TRPM3: variants seen among roughly 807,000 people sequenced by gnomAD.
The protein encoded by TRPM3 is long transient receptor potential channel 3.
In TRPM3, 77 loss-of-function variants were observed where a neutral mutation model predicts 181.2. The observed-to-expected ratio is 0.42, with a 90% CI of 0.35 to 0.51. The LOEUF is 0.51. Ranked by LOEUF, TRPM3 falls within the 20% of genes least tolerant of loss-of-function variation. TRPM3 has a pLI of 0.01. For missense variants in TRPM3, 1,759 were observed against 2,196.7 expected, an observed-to-expected ratio of 0.80 and a Z score of 3.98; for synonymous variants, 745 against 796.4, an observed-to-expected ratio of 0.94 and a Z score of 1.09.
intron 1 of TRPM3, among the ~76,000 whole-genome samples, chr9:71,092,096 T>A (rs944441948): frequency 6.6e-6 from 1 of 152,192 alleles, no homozygotes; most frequent in Non-Finnish European, 1.5e-5. Flanking sequence ...TCTTATTCAT[T>A]TGCAAGCTTC....
chr9:71,355,867 T>C (rs2091876688), intron 1 of TRPM3, among the ~76,000 whole-genome samples: 1 of 151,924 alleles, frequency 6.6e-6, no homozygotes, highest in African/African-American at 2.4e-5. Context: ...TTAAATTATA[T>C]CCCTTAAAAG....
At chr9:70,901,964 A>T (rs568151277) in intron 1 of TRPM3, among the ~76,000 whole-genome samples, 2 of 152,282 alleles carry the variant, frequency 1.3e-5, no homozygotes, top group African/African-American at 4.8e-5. Context: ...TGTTGCCGCA[A>T]TTAGGATAAG....
chr9:70,766,901 T>C (rs1473074996), intron 7 of TRPM3, among the ~76,000 whole-genome samples: 1 of 152,240 alleles, frequency 6.6e-6, no homozygotes, highest in Non-Finnish European at 1.5e-5. Context: ...ATTTTTCATA[T>C]ATGTAAAATG....
In TRPM3 at chr9:70,756,162, CA is replaced by C. The variant is rs537040248; in HGVS notation, c.1272+5438del. Among the ~76,000 whole-genome samples the C allele has an allele frequency of 2.3e-3, 350 of 150,288 alleles. 1 individual carries two copies. The highest frequency in any genetic ancestry group is 6.8e-3 in the Middle Eastern group (2 of 292). On this transcript the variant is annotated intron_variant, in intron 8 of 25. Coordinates refer to ENST00000677713, the MANE Select transcript of TRPM3 (RefSeq NM_001366145.2). ...CAAAACAAAACAAAACAAAAACAAACAAAAAAAACAAAAAAGCAGGGTTTAT... is the reference window on the plus strand; with the variant it reads ...CAAAACAAAACAAAACAAAAACAAACAAAAAAACAAAAAAGCAGGGTTTAT...
intron 1 of TRPM3, among the ~76,000 whole-genome samples, chr9:71,284,838 C>T (rs745634931): frequency 2.6e-5 from 4 of 152,146 alleles, no homozygotes; most frequent in Non-Finnish European, 2.9e-5. Flanking sequence ...ATTCACTCTG[C>T]AAAATGCTAT....
At chr9:71,189,550 T>A (rs1360715578) in intron 1 of TRPM3, among the ~76,000 whole-genome samples, 3 of 151,784 alleles carry the variant, frequency 2.0e-5, no homozygotes, top group African/African-American at 7.3e-5. Flanking sequence ...TATAATCCCA[T>A]CACTCCCACG....
chr9:71,135,788 A>C (rs2074727887), intron 1 of TRPM3, among the ~76,000 whole-genome samples: 1 of 152,220 alleles, frequency 6.6e-6, no homozygotes, highest in Non-Finnish European at 1.5e-5. Flanking sequence ...CAGGCAAAAA[A>C]AACCCCCAGC....
intron 7 of TRPM3, among the ~76,000 whole-genome samples, chr9:70,782,949 G>A (rs1001234945): frequency 1.3e-5 from 2 of 152,058 alleles, no homozygotes; most frequent in Admixed American, 6.6e-5. Context: ...CAAAGATGAG[G>A]AAGGGGATAG....
intron 1 of TRPM3, 127 bp downstream of exon 1, chr9:71,121,051 G>A (rs1326370906): frequency 6.1e-6 from 5 of 824,438 alleles, no homozygotes; most frequent in East Asian, 2.6e-5. Flanking sequence ...CTCCAGCCAC[G>A]GACCACAGAG....
intron 1 of TRPM3, among the ~76,000 whole-genome samples, chr9:70,900,171 G>A (rs1302499685): frequency 6.6e-6 from 1 of 152,024 alleles, no homozygotes; most frequent in Non-Finnish European, 1.5e-5. Context: ...AGAAAATCAA[G>A]CAAATAAGGA....
chr9:70,942,915 C>A (rs1229178426), intron 1 of TRPM3, among the ~76,000 whole-genome samples: 1 of 152,040 alleles, frequency 6.6e-6, no homozygotes, highest in African/African-American at 2.4e-5. Flanking sequence ...ATTTCAAAAA[C>A]CACTGGCTTT....
intron 22 of TRPM3, among the ~76,000 whole-genome samples, 184 bp from the exon 23 acceptor site, chr9:70,553,494 C>T (rs962485670): frequency 3.3e-5 from 5 of 152,142 alleles, no homozygotes; most frequent in Admixed American, 2.6e-4. Flanking sequence ...GGGGCTGCTA[C>T]TGTGGTGGTG....
chr9:71,418,761 A>G (rs938377516), intron 1 of TRPM3, among the ~76,000 whole-genome samples: 1 of 147,822 alleles, frequency 6.8e-6, no homozygotes, highest in African/African-American at 2.5e-5. Flanking sequence ...TTGAGATACT[A>G]TATATATACT....
At position 70,922,151 on chromosome 9, in the gene TRPM3, C is replaced by A. The variant is rs964115013; in HGVS notation, c.178-57640G>T. Among the ~76,000 whole-genome samples, 5 of 152,136 alleles carry A rather than the reference C, an allele frequency of 3.3e-5. No individual in the cohort carries two copies. In the East Asian group the frequency reaches 9.6e-4, roughly 29 times the overall value. The stretch of plus-strand genomic sequence containing the variant: ...AGAATAACTCATAGGAGACACATAT[C>A]TGTGCATAGATTGAACAACCATTTT... On this transcript the variant is annotated intron_variant, in intron 1 of 25. Transcript: ENST00000677713.
intron 4 of TRPM3, among the ~76,000 whole-genome samples, chr9:70,845,178 G>A (rs570761176): frequency 6.6e-6 from 1 of 152,152 alleles, no homozygotes; most frequent in African/African-American, 2.4e-5. Context: ...AATTCTCAGT[G>A]TAGGTCTTAC....
chr9:70,566,363 G>T (rs778848801), intron 22 of TRPM3, among the ~76,000 whole-genome samples: 5 of 152,078 alleles, frequency 3.3e-5, no homozygotes, highest in African/African-American at 7.2e-5. Context: ...GCTACATCCT[G>T]TGAGCACAAG....
chr9:71,375,688 T>A (rs2132834237), intron 1 of TRPM3, among the ~76,000 whole-genome samples: 1 of 152,036 alleles, frequency 6.6e-6, no homozygotes, highest in Admixed American at 6.6e-5. Context: ...AGAAACATTC[T>A]TGTCCTATTT....
intron 1 of TRPM3, among the ~76,000 whole-genome samples, chr9:71,213,342 C>T (rs977041816): frequency 2.6e-5 from 4 of 151,826 alleles, no homozygotes; most frequent in Non-Finnish European, 5.9e-5. Context: ...TTTGTGGGCT[C>T]TAAAAAAACA....
At chr9:71,288,905 T>C (rs1333209888) in intron 1 of TRPM3, among the ~76,000 whole-genome samples, 1 of 152,094 alleles carries the variant, frequency 6.6e-6, no homozygotes. Flanking sequence ...CATATCTCCT[T>C]GGTTTTGACT....
Sources: allele counts gnomAD v4.1 joint callset (sites outside exome capture counted in the v4.1 genomes callset), GRCh38; gene constraint gnomAD v4.1.1; transcripts MANE v1.5; gene names NCBI Gene and HGNC (gene_info 2026-07-23, HGNC 2026-07-21).